The following MARCHF1 variants were observed in gnomAD, a reference collection of about 807,000 sequenced individuals.
The protein encoded by MARCHF1 is membrane associated ring-CH-type finger 1.
Under a neutral mutation model 54.2 loss-of-function variants are expected in MARCHF1, and 40 were observed. The ratio of observed to expected loss-of-function variants is 0.74; its 90% CI spans 0.57 to 0.96. MARCHF1 has a LOEUF of 0.96. Ranked by LOEUF, MARCHF1 falls within the 40% of genes least tolerant of loss-of-function variation. The pLI is 0.00. For synonymous variants in MARCHF1, 236 were observed against 236.3 expected (o/e 1.00, Z 0.01); for missense variants, 586 against 656.5 (o/e 0.89, Z 1.17).
At chr4:164,336,555 C>A (rs1729747122) in intron 1 of MARCHF1, among the ~76,000 whole-genome samples, 1 of 152,100 alleles carries the variant, frequency 6.6e-6, no homozygotes, top group Non-Finnish European at 1.5e-5. Context: ...AATCAGTAAC[C>A]AGTATATTGA....
chr4:163,729,760 G>A (rs762905985), intron 4 of MARCHF1, among the ~76,000 whole-genome samples: 27 of 152,016 alleles, frequency 1.8e-4, no homozygotes, highest in Admixed American at 1.3e-3. Context: ...TTGGCATTTG[G>A]GCCACCAAAA....
At chr4:163,854,234 T>A in intron 3 of MARCHF1, 65 bp from the exon 4 acceptor site, 3 of 1,196,136 alleles carry the variant, frequency 2.5e-6, no homozygotes, top group South Asian at 1.7e-5. Flanking sequence ...AAAATACATA[T>A]AATCAAAATT....
At chr4:164,323,097 TG>T (rs1735184611) in intron 1 of MARCHF1, among the ~76,000 whole-genome samples, 2 of 151,934 alleles carry the variant, frequency 1.3e-5, no homozygotes, top group South Asian at 4.1e-4. Flanking sequence ...AGTACTTTTA[TG>T]GAACACCAAC....
intron 3 of MARCHF1, among the ~76,000 whole-genome samples, chr4:163,985,940 A>G (rs35617711): frequency 0.013 from 2,031 of 152,210 alleles, 26 homozygotes; most frequent in Middle Eastern, 0.027. Context: ...AAATTACAGA[A>G]ATCATTGATT....
intron 1 of MARCHF1, among the ~76,000 whole-genome samples, chr4:164,247,746 G>A (rs1732997896): frequency 6.6e-6 from 1 of 150,630 alleles, no homozygotes; most frequent in Admixed American, 6.6e-5. Flanking sequence ...AATGGTCATG[G>A]CTAAAGGTAA....
intron 4 of MARCHF1, among the ~76,000 whole-genome samples, chr4:163,733,212 T>TACAC (rs1307022270): frequency 2.4e-4 from 7 of 28,680 alleles, no homozygotes; most frequent in Non-Finnish European, 7.6e-4. Flanking sequence ...TATATATATA[T>TACAC]ATATATATAC....
At chr4:164,137,192 AT>A (rs1246748535) in intron 1 of MARCHF1, among the ~76,000 whole-genome samples, 1 of 152,074 alleles carries the variant, frequency 6.6e-6, no homozygotes, top group Non-Finnish European at 1.5e-5. Flanking sequence ...TAATTATTGT[AT>A]TTTTTTGTCA....
chr4:164,189,883 A>G, intron 1 of MARCHF1: 1 of 1,581,536 alleles, frequency 6.3e-7, no homozygotes, highest in South Asian at 1.1e-5. Context: ...TTTGAGATAG[A>G]TGTGAATGGT....
chr4:163,883,223 A>G (rs1750454902), intron 3 of MARCHF1, among the ~76,000 whole-genome samples: 1 of 142,956 alleles, frequency 7.0e-6, no homozygotes, highest in Non-Finnish European at 1.5e-5. Context: ...TTTGAGATAT[A>G]TATATATGTG....
chr4:164,324,201 T>G (rs193244333), intron 1 of MARCHF1, among the ~76,000 whole-genome samples: 1 of 151,944 alleles, frequency 6.6e-6, no homozygotes, highest in African/African-American at 2.4e-5. Flanking sequence ...ATTATAACAT[T>G]AGAAGTAGGA....
At chr4:164,276,071 C>A (rs1309375513) in intron 1 of MARCHF1, among the ~76,000 whole-genome samples, 1 of 152,118 alleles carries the variant, frequency 6.6e-6, no homozygotes, top group Non-Finnish European at 1.5e-5. Context: ...TTCTTCTTTT[C>A]ATATTTTTGA....
intron 4 of MARCHF1, among the ~76,000 whole-genome samples, chr4:163,701,729 T>C (rs929894024): frequency 1.3e-5 from 2 of 152,186 alleles, no homozygotes; most frequent in African/African-American, 4.8e-5. Flanking sequence ...CACCTCTACT[T>C]CTGTAGAGAA....
Position 163,653,289 on chromosome 4 carries a change from A to C in MARCHF1, c.163-39896T>G, listed in dbSNP as rs533237236. On this transcript the variant is annotated intron_variant, in intron 5 of 9. Coordinates refer to ENST00000514618, the MANE Select transcript of MARCHF1 (RefSeq NM_001394959.1). ...GCAGGTGAGAGACAGAGTGAGAAGA[A>C]AAATGTTCAGAGAAATAGCCAGGGG... Among the ~76,000 whole-genome samples, 9 of 151,924 alleles carry C rather than the reference A, an allele frequency of 5.9e-5. No homozygotes were observed. The South Asian group carries it at 8.3e-4, about 14-fold the overall frequency.
intron 4 of MARCHF1, among the ~76,000 whole-genome samples, chr4:163,756,198 CA>C (rs1479088367): frequency 5.3e-5 from 8 of 152,128 alleles, no homozygotes; most frequent in African/African-American, 1.9e-4. Context: ...CATTGAGACA[CA>C]AAGTAGAAAA....
At chr4:164,356,200 C>G in intron 1 of MARCHF1, among the ~76,000 whole-genome samples, 1 of 109,624 alleles carries the variant, frequency 9.1e-6, no homozygotes, top group South Asian at 3.0e-4. Context: ...TTGTGGAAGT[C>G]AGTGTGGCGA....
intron 5 of MARCHF1, among the ~76,000 whole-genome samples, chr4:163,615,562 T>C (rs1423908406): frequency 1.4e-5 from 2 of 141,272 alleles, no homozygotes; most frequent in Non-Finnish European, 3.1e-5. Flanking sequence ...AAAACAGTAA[T>C]GAAAGAAATT....
chr4:163,843,080 G>A (rs1749387597), intron 4 of MARCHF1, among the ~76,000 whole-genome samples: 1 of 152,016 alleles, frequency 6.6e-6, no homozygotes, highest in Non-Finnish European at 1.5e-5. Flanking sequence ...CGTGTATTCA[G>A]TGTTTAGCTG....
chr4:164,000,553 A>C (rs1753166855), intron 2 of MARCHF1, among the ~76,000 whole-genome samples: 1 of 151,744 alleles, frequency 6.6e-6, no homozygotes, highest in Admixed American at 6.6e-5. Context: ...GATACTTAAA[A>C]AGAATAAGCT....
chr4:164,252,381 C>T (rs1733153960), intron 1 of MARCHF1, among the ~76,000 whole-genome samples: 1 of 152,056 alleles, frequency 6.6e-6, no homozygotes, highest in Non-Finnish European at 1.5e-5. Context: ...AGAAAGAAAT[C>T]ACTTGAGCTA....
Sources: gnomAD v4.1 joint callset for allele counts (sites outside exome capture counted in the v4.1 genomes callset) on GRCh38, gnomAD v4.1.1 for gene constraint, MANE v1.5 for transcripts, NCBI Gene and HGNC (gene_info 2026-07-23, HGNC 2026-07-21) for gene names.